RPS6KC1: variants seen among roughly 807,000 people sequenced by gnomAD.
The protein encoded by RPS6KC1 is ribosomal protein S6 kinase C1.
A neutral mutation model predicts 103.8 loss-of-function variants in RPS6KC1; 54 were observed. The ratio of observed to expected loss-of-function variants is 0.52; its 90% CI spans 0.42 to 0.65. The LOEUF (loss-of-function observed/expected upper bound fraction) is 0.65. Ranked by LOEUF, RPS6KC1 falls within the 30% of genes least tolerant of loss-of-function variation. RPS6KC1 has a pLI of 0.00. For synonymous variants in RPS6KC1, 439 were observed against 438.7 expected, an observed-to-expected ratio of 1.00 and a Z score of -0.01; for missense variants, 1,151 against 1,253.8, an observed-to-expected ratio of 0.92 and a Z score of 1.24.
chr1:213,629,723 G>A, the RPS6KC1 span, among the ~76,000 whole-genome samples: 10 of 152,100 alleles, frequency 6.6e-5, no homozygotes, highest in African/African-American at 1.9e-4. Flanking sequence ...GGCTGGTACC[G>A]GTTATTCCTT....
chr1:213,111,960 G>A (rs888126508), intron 4 of RPS6KC1, among the ~76,000 whole-genome samples: 1 of 152,198 alleles, frequency 6.6e-6, no homozygotes. Context: ...ACAAATTGTC[G>A]CTCCTAAAGA....
chr1:213,138,809 T>G (rs1375914109), intron 6 of RPS6KC1, among the ~76,000 whole-genome samples: 3 of 152,292 alleles, frequency 2.0e-5, no homozygotes, highest in Middle Eastern at 3.4e-3. Flanking sequence ...AATAGTGTTG[T>G]GATAAACATG....
the RPS6KC1 span, among the ~76,000 whole-genome samples, chr1:213,479,891 A>G: frequency 6.6e-6 from 1 of 151,862 alleles, no homozygotes; most frequent in Non-Finnish European, 1.5e-5. Flanking sequence ...ACTAATTTTT[A>G]TGCCTCCTCT....
Position 213,135,026 on chromosome 1 carries a change from A to T in RPS6KC1, c.835+5137A>T, listed in dbSNP as rs79083413. Among the ~76,000 whole-genome samples the T allele has an allele frequency of 6.3e-3, 955 of 152,296 alleles. 9 individuals are homozygous for T. The highest frequency in any genetic ancestry group is 0.022 in the African/African-American group (908 of 41,576). ...CTGATATCTCAGGGGGAAAGATTTC[A>T]GTCTTACCGTGGAATATGATGTTAG... On this transcript the variant is annotated intron_variant, in intron 6 of 14. Transcript: ENST00000366960.
chr1:213,790,932 G>A, the RPS6KC1 span, among the ~76,000 whole-genome samples: 1 of 99,402 alleles, frequency 1.0e-5, no homozygotes, highest in African/African-American at 8.2e-5. Context: ...TTTTCATCCG[G>A]GTGTGTCTCC....
At chr1:213,262,615 G>C (rs759990735) in intron 13 of RPS6KC1, 106 bp from the exon 14 acceptor site, 1 of 773,794 alleles carries the variant, frequency 1.3e-6, no homozygotes, top group Non-Finnish European at 2.3e-6. Flanking sequence ...TACACTTCCA[G>C]TTAAAATGGT....
intron 6 of RPS6KC1, among the ~76,000 whole-genome samples, chr1:213,151,957 G>T (rs1271189501): frequency 7.8e-6 from 1 of 127,460 alleles, no homozygotes; most frequent in Non-Finnish European, 1.7e-5. Context: ...CCCGGATGGG[G>T]CGGCTGGCCG....
chr1:213,199,291 A>G (rs2093064351), intron 8 of RPS6KC1, among the ~76,000 whole-genome samples: 1 of 152,176 alleles, frequency 6.6e-6, no homozygotes, highest in Non-Finnish European at 1.5e-5. Flanking sequence ...AAGCTTATCC[A>G]CCACGATCAA....
At chr1:213,193,704 C>T (rs1241632669) in intron 8 of RPS6KC1, among the ~76,000 whole-genome samples, 1 of 152,064 alleles carries the variant, frequency 6.6e-6, no homozygotes, top group African/African-American at 2.4e-5. Context: ...GGCAAGATCT[C>T]GGCTTACTGC....
At chr1:213,520,915 T>TA in the RPS6KC1 span, among the ~76,000 whole-genome samples, 1 of 152,190 alleles carries the variant, frequency 6.6e-6, no homozygotes, top group Non-Finnish European at 1.5e-5. Flanking sequence ...AAGAAAAACA[T>TA]AAAAGTCCTG....
At chr1:213,568,959 C>T in the RPS6KC1 span, among the ~76,000 whole-genome samples, 4 of 152,214 alleles carry the variant, frequency 2.6e-5, no homozygotes, top group Non-Finnish European at 4.4e-5. Context: ...ACTGTTGCAG[C>T]AGCACCATCA....
At chr1:213,184,100 A>G (rs1027977454) in intron 8 of RPS6KC1, among the ~76,000 whole-genome samples, 3 of 152,182 alleles carry the variant, frequency 2.0e-5, no homozygotes, top group African/African-American at 7.2e-5. Context: ...AGGGAACTGA[A>G]TTTATAATTA....
chr1:213,366,715 G>T, the RPS6KC1 span, among the ~76,000 whole-genome samples: 102 of 152,328 alleles, frequency 6.7e-4, no homozygotes, highest in African/African-American at 2.3e-3. Context: ...CTGGCATCTG[G>T]GTCTAGAGCC....
chr1:213,392,813 G>A, the RPS6KC1 span, among the ~76,000 whole-genome samples: 1 of 152,184 alleles, frequency 6.6e-6, no homozygotes, highest in Admixed American at 6.5e-5. Context: ...AGAGCCTGGA[G>A]GAAAATTCAG....
At chr1:213,461,485 A>C in the RPS6KC1 span, among the ~76,000 whole-genome samples, 1 of 152,222 alleles carries the variant, frequency 6.6e-6, no homozygotes, top group African/African-American at 2.4e-5. Flanking sequence ...AATCTTAAGC[A>C]AAAAGACCAA....
chr1:213,613,441 A>G, the RPS6KC1 span, among the ~76,000 whole-genome samples: 1 of 152,246 alleles, frequency 6.6e-6, no homozygotes, highest in South Asian at 2.1e-4. Flanking sequence ...CTTAAGACAC[A>G]TTGAGGCAAA....
intron 6 of RPS6KC1, among the ~76,000 whole-genome samples, chr1:213,151,132 A>C (rs1482066872): frequency 8.3e-6 from 1 of 121,196 alleles, no homozygotes; most frequent in Non-Finnish European, 1.7e-5. Context: ...TGACCCCCCC[A>C]CCTCCCTCCC....
intron 10 of RPS6KC1, among the ~76,000 whole-genome samples, chr1:213,234,311 T>C (rs1007053127): frequency 6.6e-6 from 1 of 152,006 alleles, no homozygotes; most frequent in African/African-American, 2.4e-5. Context: ...ACGCCAGGCC[T>C]GAAACTTAAA....
At chr1:213,101,921 A>T (rs943667482) in intron 3 of RPS6KC1, among the ~76,000 whole-genome samples, 6 of 152,204 alleles carry the variant, frequency 3.9e-5, no homozygotes, top group African/African-American at 1.4e-4. Context: ...AGATTAAATC[A>T]TTTAGATTGT....
Sources: allele counts gnomAD v4.1 joint callset (sites outside exome capture counted in the v4.1 genomes callset), GRCh38; gene constraint gnomAD v4.1.1; transcripts MANE v1.5; gene names NCBI Gene and HGNC (gene_info 2026-07-23, HGNC 2026-07-21).